Variants in THSD7B observed in about 807,000 individuals in gnomAD.
THSD7B encodes thrombospondin type 1 domain containing 7B.
A neutral mutation model predicts 213.6 loss-of-function variants in THSD7B; 138 were observed. The observed-to-expected ratio is 0.65, with a 90% confidence interval of 0.56 to 0.74. THSD7B has a LOEUF of 0.74. THSD7B is among the 30% of genes least tolerant of loss of function. THSD7B has a pLI of 0.00. For missense variants in THSD7B, 1,931 were observed against 1,991.5 expected, an observed-to-expected ratio of 0.97 and a Z score of 0.58; for synonymous variants, 742 against 687.0, an observed-to-expected ratio of 1.08 and a Z score of -1.25.
At chr2:137,379,095 G>A (rs1348239095) in intron 12 of THSD7B, among the ~76,000 whole-genome samples, 1 of 152,192 alleles carries the variant, frequency 6.6e-6, no homozygotes, top group African/African-American at 2.4e-5. Context: ...GGAATAAAGT[G>A]AAGGGGTATT....
intron 2 of THSD7B, among the ~76,000 whole-genome samples, chr2:136,926,353 C>T (rs1684523877): frequency 6.6e-6 from 1 of 151,640 alleles, no homozygotes; most frequent in South Asian, 2.1e-4. Context: ...CATAAGTTTA[C>T]CTATGTAACA....
chr2:137,587,921 C>T (rs1320239470), intron 17 of THSD7B, among the ~76,000 whole-genome samples: 1 of 152,184 alleles, frequency 6.6e-6, no homozygotes, highest in African/African-American at 2.4e-5. Flanking sequence ...TGGGCTGTGC[C>T]CTGCCCCCAG....
intron 13 of THSD7B, among the ~76,000 whole-genome samples, chr2:137,407,909 AG>A (rs1011808460): frequency 6.6e-6 from 1 of 151,118 alleles, no homozygotes; most frequent in African/African-American, 2.4e-5. Context: ...AAACCTGTCC[AG>A]GTTTTATATA....
chr2:136,882,345 C>T, intron 2 of THSD7B, 28 bp downstream of exon 2: 2 of 1,474,498 alleles, frequency 1.4e-6, no homozygotes, highest in Admixed American at 2.6e-5. Flanking sequence ...GTTCCTTTGT[C>T]CTATTTTCAT....
intron 1 of THSD7B, among the ~76,000 whole-genome samples, chr2:136,880,202 C>T (rs1683595753): frequency 6.6e-6 from 1 of 152,116 alleles, no homozygotes; most frequent in Non-Finnish European, 1.5e-5. Flanking sequence ...CCAACATTGA[C>T]CACATAGTTG....
chr2:137,669,829 T>C (rs1683525743), intron 27 of THSD7B, among the ~76,000 whole-genome samples: 1 of 152,194 alleles, frequency 6.6e-6, no homozygotes, highest in African/African-American at 2.4e-5. Context: ...TTCCTTTTTG[T>C]TTTCCTCCAT....
chr2:137,093,590 G>A (rs1170847821), intron 3 of THSD7B, among the ~76,000 whole-genome samples: 1 of 152,160 alleles, frequency 6.6e-6, no homozygotes, highest in Non-Finnish European at 1.5e-5. Context: ...TTAGAATAGT[G>A]TTTTCTCTGT....
chr2:137,558,078 A>T (rs530490653), intron 15 of THSD7B, among the ~76,000 whole-genome samples: 3 of 152,320 alleles, frequency 2.0e-5, no homozygotes, highest in South Asian at 2.1e-4. Flanking sequence ...TTAATAGCTT[A>T]CCAACCACAA....
At chr2:137,293,520 CTCTATCTTTCTATT>C (rs991936626) in intron 12 of THSD7B, among the ~76,000 whole-genome samples, 1 of 151,738 alleles carries the variant, frequency 6.6e-6, no homozygotes, top group Non-Finnish European at 1.5e-5. Flanking sequence ...ATCTTTCTAT[CTCTATCTTTCTATT>C]TCTGCCTTTT....
At chr2:137,469,848 C>G (rs960499857) in intron 15 of THSD7B, among the ~76,000 whole-genome samples, 1 of 152,170 alleles carries the variant, frequency 6.6e-6, no homozygotes, top group Admixed American at 6.5e-5. Flanking sequence ...ACATTAGCTG[C>G]ATCTTTTGGA....
chr2:137,462,327 G>A (rs1687901511), intron 15 of THSD7B, among the ~76,000 whole-genome samples: 1 of 151,888 alleles, frequency 6.6e-6, no homozygotes, highest in Non-Finnish European at 1.5e-5. Context: ...AGCTCACAGG[G>A]GCATTGAAAA....
intron 7 of THSD7B, among the ~76,000 whole-genome samples, chr2:137,215,229 C>T (rs893767932): frequency 8.5e-5 from 13 of 152,112 alleles, no homozygotes; most frequent in African/African-American, 3.1e-4. Context: ...CAAATGTTTT[C>T]TTTTGAGAAA....
intron 3 of THSD7B, among the ~76,000 whole-genome samples, chr2:137,061,107 A>G (rs996745807): frequency 6.6e-6 from 1 of 151,834 alleles, no homozygotes; most frequent in African/African-American, 2.4e-5. Context: ...TGGTGCTAAC[A>G]TAAATGGTAT....
chr2:137,094,818 G>GC lies in THSD7B; in HGVS notation c.951-55_951-54insC. 2.6e-6 allele frequency: 4 copies of GC among 1,565,354 alleles called. No homozygotes were observed. In the South Asian group the frequency reaches 4.8e-5, roughly 19 times the overall value. ...TTTCTCATGGTAGGCACTTTATAAT[G>GC]TTAGTTGCATCCATTAATATATGGC... On this transcript the variant is annotated intron_variant, in intron 3 of 27. Coordinates refer to ENST00000409968, the MANE Select transcript of THSD7B (RefSeq NM_001316349.2).
intron 14 of THSD7B, 85 bp from the exon 15 acceptor site, chr2:137,450,760 T>C: frequency 8.9e-7 from 1 of 1,121,588 alleles, no homozygotes; most frequent in South Asian, 2.0e-5. Flanking sequence ...GTTGAAAAAA[T>C]CCAAACTGTG....
At chr2:137,620,547 G>GT (rs1682499160) in intron 19 of THSD7B, 62 bp from the exon 20 acceptor site, 2 of 1,294,422 alleles carry the variant, frequency 1.5e-6, no homozygotes, top group Admixed American at 3.5e-5. Flanking sequence ...TCCCATGAAA[G>GT]GACAGTGATT....
intron 15 of THSD7B, among the ~76,000 whole-genome samples, chr2:137,452,345 T>A (rs904621355): frequency 6.6e-6 from 1 of 152,012 alleles, no homozygotes; most frequent in Non-Finnish European, 1.5e-5. Context: ...GAATAAAATA[T>A]GATTAATGAA....
At chr2:137,216,673 G>A (rs1681252031) in intron 7 of THSD7B, among the ~76,000 whole-genome samples, 1 of 152,158 alleles carries the variant, frequency 6.6e-6, no homozygotes, top group African/African-American at 2.4e-5. Context: ...AGCATTGGCT[G>A]GATGTACAAA....
At chr2:136,982,265 G>A (rs1422993384) in intron 2 of THSD7B, among the ~76,000 whole-genome samples, 1 of 150,986 alleles carries the variant, frequency 6.6e-6, no homozygotes, top group Non-Finnish European at 1.5e-5. Context: ...CTCTTTCTAG[G>A]TAAGATAAAA....
Sources: allele counts gnomAD v4.1 joint callset (sites outside exome capture counted in the v4.1 genomes callset), GRCh38; gene constraint gnomAD v4.1.1; transcripts MANE v1.5; gene names NCBI Gene and HGNC (gene_info 2026-07-23, HGNC 2026-07-21).